The following ITSN2 variants were observed in gnomAD, a reference collection of about 807,000 sequenced individuals.
The protein encoded by ITSN2 is intersectin 2, also known as intersectin-2.
Under a neutral mutation model 243.7 loss-of-function variants are expected in ITSN2, and 156 were observed. The observed-to-expected ratio is 0.64, with a 90% CI of 0.56 to 0.73. ITSN2 has a LOEUF of 0.73. Among genes scored for constraint, ITSN2 ranks in the 30% least tolerant of loss-of-function variants. The pLI, the probability that ITSN2 is intolerant of heterozygous loss-of-function variation, is 0.00. For missense variants in ITSN2, 1,801 were observed against 1,996.1 expected, an observed-to-expected ratio of 0.90 and a Z score of 1.86; for synonymous variants, 703 against 699.9, an observed-to-expected ratio of 1.00 and a Z score of -0.07.
intron 23 of ITSN2, 31 bp downstream of exon 23, chr2:24,257,857 A>G: frequency 1.3e-6 from 2 of 1,506,570 alleles, no homozygotes; most frequent in Non-Finnish European, 1.8e-6. Flanking sequence ...ACCAACATCC[A>G]CATCTCATGA....
intron 1 of ITSN2, among the ~76,000 whole-genome samples, chr2:24,341,988 A>T (rs1038392335): frequency 7.9e-5 from 12 of 152,162 alleles, no homozygotes; most frequent in South Asian, 2.1e-4. Flanking sequence ...CAAAAAGGAG[A>T]TGGGAGAGAA....
intron 1 of ITSN2, among the ~76,000 whole-genome samples, chr2:24,332,969 T>C (rs1685953357): frequency 6.6e-6 from 1 of 152,234 alleles, no homozygotes; most frequent in African/African-American, 2.4e-5. Flanking sequence ...GACAAGCTTG[T>C]AGACTTATCT....
At chr2:24,219,677 C>T (rs1203670290) in intron 30 of ITSN2, among the ~76,000 whole-genome samples, 1 of 152,172 alleles carries the variant, frequency 6.6e-6, no homozygotes, top group Admixed American at 6.5e-5. Flanking sequence ...TGGACCCAGA[C>T]CTGATGCTTC....
chr2:24,338,633 C>T (rs1299136143), intron 1 of ITSN2, among the ~76,000 whole-genome samples: 1 of 152,176 alleles, frequency 6.6e-6, no homozygotes, highest in Non-Finnish European at 1.5e-5. Flanking sequence ...TATTCTCCAC[C>T]TATGCATTCA....
In ITSN2 at chr2:24,248,540, A is replaced by T; in HGVS notation, c.3288+89T>A. 4.7e-6 allele frequency: 5 copies of T among 1,063,372 alleles called. No homozygotes were observed. In the East Asian group the frequency reaches 1.3e-4, roughly 28 times the overall value. 65.9% of individuals were successfully genotyped at this position (1,063,372 alleles called of 1,614,324 possible). ...CCTCTAAGTGGAATGATTATGGGTG[A>T]TCTAAAAATTTTTATTAATTTTATC... On this transcript the variant is annotated intron_variant, in intron 27 of 39. Transcript: ENST00000355123.
At chr2:24,324,720 G>A (rs910924031) in intron 2 of ITSN2, among the ~76,000 whole-genome samples, 1 of 151,764 alleles carries the variant, frequency 6.6e-6, no homozygotes, top group African/African-American at 2.4e-5. Flanking sequence ...GGTCTTGGTG[G>A]CACATGTCTG....
At chr2:24,317,368 A>C (rs1275578734) in intron 2 of ITSN2, among the ~76,000 whole-genome samples, 3 of 151,044 alleles carry the variant, frequency 2.0e-5, no homozygotes, top group Non-Finnish European at 4.4e-5. Flanking sequence ...TGCGCCGACA[A>C]GGGCAAGACG....
At chr2:24,334,864 C>T (rs962859806) in intron 1 of ITSN2, 12 of 559,316 alleles carry the variant, frequency 2.1e-5, no homozygotes, top group South Asian at 1.7e-4. Context: ...GAGATCGAGA[C>T]CATCCTGGCT....
At chr2:24,342,426 T>C (rs1330299951) in intron 1 of ITSN2, among the ~76,000 whole-genome samples, 1 of 151,100 alleles carries the variant, frequency 6.6e-6, no homozygotes, top group Non-Finnish European at 1.5e-5. Flanking sequence ...CTCAAACTCC[T>C]AAGCTCAAGT....
chr2:24,313,946 C>A (rs1218783961), intron 3 of ITSN2, among the ~76,000 whole-genome samples: 2 of 152,098 alleles, frequency 1.3e-5, no homozygotes, highest in African/African-American at 4.8e-5. Context: ...AATGTAAGAC[C>A]CTAATTGCTC....
At chr2:24,278,720 C>G (rs1462414563) in intron 17 of ITSN2, among the ~76,000 whole-genome samples, 1 of 144,894 alleles carries the variant, frequency 6.9e-6, no homozygotes, top group Non-Finnish European at 1.5e-5. Context: ...GGCGCGATCT[C>G]AGCTCACTGC....
At chr2:24,348,341 A>AT (rs1395462539) in intron 1 of ITSN2, among the ~76,000 whole-genome samples, 1 of 151,706 alleles carries the variant, frequency 6.6e-6, no homozygotes, top group Non-Finnish European at 1.5e-5. Flanking sequence ...TGCCCAACTA[A>AT]TTTTTTGTAC....
intron 7 of ITSN2, chr2:24,308,989 G>A (rs745874212): frequency 1.0e-5 from 5 of 499,306 alleles, no homozygotes; most frequent in Non-Finnish European, 2.0e-5. Context: ...TCTCATAAGA[G>A]TGCAAACCCT....
chr2:24,256,035 A>T (rs1175422986), intron 23 of ITSN2, among the ~76,000 whole-genome samples: 1 of 152,086 alleles, frequency 6.6e-6, no homozygotes, highest in Non-Finnish European at 1.5e-5. Flanking sequence ...CCTGGGCAAC[A>T]AAAGCGAAAT....
At chr2:24,303,950 G>GTAT in intron 8 of ITSN2, 88 bp from the exon 9 acceptor site, 1 of 908,356 alleles carries the variant, frequency 1.1e-6, no homozygotes, top group Non-Finnish European at 1.8e-6. Flanking sequence ...AAATAACAAT[G>GTAT]CTACCAGGGT....
intron 24 of ITSN2, among the ~76,000 whole-genome samples, chr2:24,254,066 C>T (rs1674704161): frequency 6.6e-6 from 1 of 152,184 alleles, no homozygotes; most frequent in Admixed American, 6.5e-5. Context: ...ACCTCCTAAA[C>T]ATCTATAATC....
chr2:24,313,077 A>T (rs962430060), intron 4 of ITSN2, among the ~76,000 whole-genome samples: 1 of 150,472 alleles, frequency 6.6e-6, no homozygotes, highest in African/African-American at 2.4e-5. Flanking sequence ...AAACTGAAGA[A>T]ATACCTTTTT....
At chr2:24,259,616 T>C (rs1675545598) in intron 22 of ITSN2, among the ~76,000 whole-genome samples, 3 of 152,238 alleles carry the variant, frequency 2.0e-5, no homozygotes, top group Admixed American at 2.0e-4. Context: ...GCCATATTAT[T>C]AACAATGCTT....
intron 1 of ITSN2, among the ~76,000 whole-genome samples, chr2:24,346,248 C>T (rs1489121411): frequency 6.6e-6 from 1 of 152,192 alleles, no homozygotes; most frequent in African/African-American, 2.4e-5. Flanking sequence ...AGTCATAAAG[C>T]ATGCAGACAG....
Sources: allele counts gnomAD v4.1 joint callset (sites outside exome capture counted in the v4.1 genomes callset), GRCh38; gene constraint gnomAD v4.1.1; transcripts MANE v1.5; gene names NCBI Gene and HGNC (gene_info 2026-07-23, HGNC 2026-07-21).